Variants in PCBP2 observed in about 807,000 individuals in gnomAD.
The protein encoded by PCBP2 is poly(rC) binding protein 2.
PCBP2 carries 4 observed loss-of-function variants against 50.1 expected under a neutral mutation model. That is an observed-to-expected ratio of 0.08 (90% CI 0.04 to 0.18). The LOEUF (loss-of-function observed/expected upper bound fraction) is 0.18, where lower values mean the gene tolerates loss of function less well. PCBP2 is among the 10% of genes least tolerant of loss of function. PCBP2 has a pLI of 1.00. For synonymous variants in PCBP2, 179 were observed against 168.0 expected, an observed-to-expected ratio of 1.07 and a Z score of -0.51; for missense variants, 161 against 474.3, an observed-to-expected ratio of 0.34 and a Z score of 6.14.
chr12:53,476,920 A>C (rs1016701793), intron 14 of PCBP2, among the ~76,000 whole-genome samples: 1 of 152,138 alleles, frequency 6.6e-6, no homozygotes, highest in Non-Finnish European at 1.5e-5. Context: ...GGTTTTATCT[A>C]GTTCTTGATT....
intron 8 of PCBP2, 24 bp from the exon 9 acceptor site, chr12:53,464,736 C>A: frequency 6.2e-7 from 1 of 1,610,092 alleles, no homozygotes; most frequent in Non-Finnish European, 8.5e-7. Flanking sequence ...GCCCTGGAGA[C>A]TGAAATCCTC....
At position 53,455,492 on chromosome 12, in the gene PCBP2, A is replaced by C. The variant is rs1459203417; in HGVS notation, c.125A>C (p.Glu42Ala). Residue 42 changes from glutamate to alanine, a missense_variant and splice_region_variant, in exon 4 of 15, where the codon GAG becomes GCG. Coordinates refer to ENST00000546463, the MANE Select transcript of PCBP2 (RefSeq NM_031989.5). ...GAATCAGTTAAGAAGATGCGCGAGG[A>C]GGTAAGTTATGAAAGACTGAGATTG... ...KGESVKKMREESGARINISEG... is the reference protein window; with the variant it reads ...KGESVKKMREASGARINISEG... 2 of 1,614,028 alleles carry C rather than the reference A, an allele frequency of 1.2e-6. No individual in the cohort carries two copies. The highest frequency in any genetic ancestry group is 8.5e-7 in the Non-Finnish European group (1 of 1,179,882).
chr12:53,469,427 A>C (rs1942049513), intron 13 of PCBP2, among the ~76,000 whole-genome samples: 1 of 152,058 alleles, frequency 6.6e-6, no homozygotes, highest in East Asian at 1.9e-4. Flanking sequence ...TTTGCTGAAA[A>C]TAGAAATTCC....
intron 9 of PCBP2, 140 bp downstream of exon 9, chr12:53,464,992 C>A (rs1402119866): frequency 9.2e-7 from 1 of 1,092,136 alleles, no homozygotes; most frequent in Non-Finnish European, 1.2e-6. Flanking sequence ...GACTGACCCC[C>A]CCAACCTCAT....
At chr12:53,464,521 AG>A in intron 8 of PCBP2, 1 of 473,310 alleles carries the variant, frequency 2.1e-6, no homozygotes, top group South Asian at 2.5e-5. Flanking sequence ...AGCTGGCATC[AG>A]CTCTGTTGCC....
At chr12:53,470,094 G>A (rs983866151) in intron 13 of PCBP2, among the ~76,000 whole-genome samples, 1 of 151,832 alleles carries the variant, frequency 6.6e-6, no homozygotes, top group African/African-American at 2.4e-5. Context: ...AGAAGATGTT[G>A]TGGTTTTCAG....
intron 6 of PCBP2, chr12:53,460,760 C>G (rs533030069): frequency 3.2e-4 from 109 of 338,514 alleles, no homozygotes; most frequent in Middle Eastern, 1.9e-3. Flanking sequence ...TTTAGAAGGA[C>G]CTTTTGCTTG....
rs545032881 is a variant in PCBP2, at chr12:53,452,346, C to T, written c.-106C>T. On this transcript the variant is annotated 5_prime_UTR_variant, in exon 1 of 15. Coordinates refer to ENST00000546463, the MANE Select transcript of PCBP2 (RefSeq NM_031989.5). ...CGCCCTTCCCCTTCCCGCCCGCTCCCCTTTTCCCCTCAGTCGCCTCGCGCC... is the reference window on the plus strand; with the variant it reads ...CGCCCTTCCCCTTCCCGCCCGCTCCTCTTTTCCCCTCAGTCGCCTCGCGCC... 6.8e-6 allele frequency: 1 copy of T among 147,328 alleles called. No homozygotes were observed. The highest frequency in any genetic ancestry group is 2.5e-5 in the African/African-American group (1 of 39,660). The allele number at this position is 147,328 out of a possible 1,614,324, so 9.1% of individuals were successfully genotyped here.
intron 12 of PCBP2, chr12:53,468,134 C>T: frequency 3.1e-6 from 1 of 327,852 alleles, no homozygotes. Context: ...CGGGTATTTG[C>T]TGATGGGATT....
chr12:53,457,251 TTA>T (rs1283787433), intron 5 of PCBP2, among the ~76,000 whole-genome samples: 2 of 152,176 alleles, frequency 1.3e-5, no homozygotes, highest in Admixed American at 1.3e-4. Context: ...TGGGAGCTTG[TTA>T]TGTTTCCCAG....
intron 11 of PCBP2, 121 bp from the exon 12 acceptor site, chr12:53,467,684 T>C: frequency 1.2e-6 from 1 of 822,858 alleles, no homozygotes; most frequent in Non-Finnish European, 2.1e-6. Context: ...TGTAGTGTTT[T>C]TTTTGTTTTT....
intron 8 of PCBP2, among the ~76,000 whole-genome samples, chr12:53,463,937 T>C (rs1336374511): frequency 6.6e-6 from 1 of 152,230 alleles, no homozygotes; most frequent in East Asian, 1.9e-4. Context: ...TTTAGAGGTT[T>C]AGTTTGTCGT....
chr12:53,464,702 T>C (rs1941699288), intron 8 of PCBP2, 58 bp from the exon 9 acceptor site: 2 of 1,576,940 alleles, frequency 1.3e-6, no homozygotes. Flanking sequence ...AATTTCATGC[T>C]GGTGACAAGG....
chr12:53,470,337 A>T (rs1330172503), intron 13 of PCBP2, among the ~76,000 whole-genome samples: 3 of 137,536 alleles, frequency 2.2e-5, no homozygotes, highest in Non-Finnish European at 3.0e-5. Context: ...AGATCGTGCC[A>T]CTGCACTCCA....
In PCBP2 at chr12:53,480,172, C is replaced by CT. The variant is rs1235879832; in HGVS notation, c.*731dup. Reference sequence around the variant, plus strand: ...ACACATTAAGCAGTTGATCATATGTCTGACTGGGTTCCAGTTTCTTGGGAA... The same window carrying CT: ...ACACATTAAGCAGTTGATCATATGTCTTGACTGGGTTCCAGTTTCTTGGGAA... On this transcript the variant is annotated 3_prime_UTR_variant, in exon 15 of 15. Coordinates refer to ENST00000546463, the MANE Select transcript of PCBP2 (RefSeq NM_031989.5). The CT allele has an allele frequency of 2.0e-5, 3 of 152,180 alleles. No individual in the cohort carries two copies. Among genetic ancestry groups the CT allele is most frequent in the African/African-American group, 7.2e-5 (3 of 41,436 alleles). 9.4% of individuals were successfully genotyped at this position (152,180 alleles called of 1,614,324 possible).
chr12:53,456,512 C>CT (rs1485759480), intron 5 of PCBP2, among the ~76,000 whole-genome samples: 1 of 151,208 alleles, frequency 6.6e-6, no homozygotes, highest in African/African-American at 2.4e-5. Flanking sequence ...TTGCCATGGA[C>CT]TTAATATAAA....
chr12:53,464,910 T>A, intron 9 of PCBP2, 58 bp downstream of exon 9: 1 of 1,532,232 alleles, frequency 6.5e-7, no homozygotes, highest in Non-Finnish European at 8.7e-7. Flanking sequence ...CAGCCGAGAC[T>A]GCCAACACAC....
chr12:53,474,268 A>G (rs1024897204), intron 14 of PCBP2, among the ~76,000 whole-genome samples: 1 of 152,148 alleles, frequency 6.6e-6, no homozygotes, highest in African/African-American at 2.4e-5. Context: ...TGTTCTCAGC[A>G]TTTTTCTTTG....
At chr12:53,479,349 G>A (rs967654460) in intron 14 of PCBP2, 57 bp from the exon 15 acceptor site, 5 of 1,447,658 alleles carry the variant, frequency 3.5e-6, no homozygotes, top group Non-Finnish European at 4.9e-6. Flanking sequence ...ACCAGGTAGA[G>A]ATGAGGTGCA....
Sources: allele counts gnomAD v4.1 joint callset (sites outside exome capture counted in the v4.1 genomes callset), GRCh38; gene constraint gnomAD v4.1.1; transcripts MANE v1.5; gene names NCBI Gene and HGNC (gene_info 2026-07-23, HGNC 2026-07-21).